The following CCDC47 variants were observed in gnomAD, a reference collection of about 807,000 sequenced individuals.
The protein encoded by CCDC47 is coiled-coil domain containing 47.
In CCDC47, 41 loss-of-function variants were observed where a neutral mutation model predicts 60.5. The ratio of observed to expected loss-of-function variants is 0.68; its 90% CI spans 0.53 to 0.88. The LOEUF (loss-of-function observed/expected upper bound fraction) is 0.88, where lower values mean the gene tolerates loss of function less well. Ranked by LOEUF, CCDC47 falls within the 40% of genes least tolerant of loss-of-function variation. The pLI is 0.00. For synonymous variants in CCDC47, 195 were observed against 190.7 expected (o/e 1.02, Z -0.18); for missense variants, 513 against 580.9 (o/e 0.88, Z 1.20).
At chr17:63,761,668 GC>G (rs2039262487) in intron 4 of CCDC47, 1 of 248,964 alleles carries the variant, frequency 4.0e-6, no homozygotes, top group Non-Finnish European at 6.6e-6. Flanking sequence ...TTGTACTCCA[GC>G]CTGGATGACA....
chr17:63,752,077 G>A lies in CCDC47; in HGVS notation c.1234C>T (p.Arg412Ter), dbSNP rs183132127. ...GKQKADKNRARVEENFLKLTH... is the reference protein window; with the variant it reads ...GKQKADKNRA ...AGTTTCAAGAAGTTCTCTTCTACTC[G>A]GGCACGGTTCTTATCTGCTTTTTGT... Residue 412 changes from arginine to a stop codon, truncating the protein, a stop_gained, in exon 12 of 13, where the codon CGA (arginine) becomes TGA (stop). Transcript: ENST00000225726. LOFTEE classifies it high-confidence loss of function. The A allele has an allele frequency of 2.5e-6, 4 of 1,613,076 alleles. No homozygotes were observed. The highest frequency in any genetic ancestry group is 1.1e-5 in the South Asian group (1 of 91,066).
In CCDC47 at chr17:63,750,950, C is replaced by A. The variant is rs138146165; in HGVS notation, c.1371+990G>T. ...AGTGCAGTGGTGTGATCATAGCTCA[C>A]TGCAGCCTCAATCTCCCAGGTTCAA... is the stretch of plus-strand genomic sequence containing the variant. On this transcript the variant is annotated intron_variant, in intron 12 of 12. Transcript: ENST00000225726. 3.7e-3 allele frequency among the ~76,000 whole-genome samples: 560 copies of A among 151,744 alleles called. 7 individuals are homozygous for A. The highest frequency in any genetic ancestry group is 0.013 in the African/African-American group (530 of 41,354).
chr17:63,761,724 A>G (rs1321435014), intron 4 of CCDC47: 3 of 561,824 alleles, frequency 5.3e-6, no homozygotes, highest in South Asian at 1.6e-4. Context: ...ACAAGGCCGA[A>G]TACCTCACGT....
At chr17:63,759,400 A>C (rs1201103464) in intron 6 of CCDC47, among the ~76,000 whole-genome samples, 1 of 146,454 alleles carries the variant, frequency 6.8e-6, no homozygotes, top group Non-Finnish European at 1.5e-5. Flanking sequence ...GAGGCAGGAA[A>C]ATCGCTTGAA....
chr17:63,747,746 A>C (rs2039131361), intron 12 of CCDC47: 1 of 985,172 alleles, frequency 1.0e-6, no homozygotes, highest in African/African-American at 1.7e-5. Flanking sequence ...GAAAATAGGG[A>C]AGAAAAGAAG....
At chr17:63,752,913 T>G in intron 9 of CCDC47, 114 bp from the exon 10 acceptor site, 1 of 1,420,776 alleles carries the variant, frequency 7.0e-7, no homozygotes, top group Non-Finnish European at 9.2e-7. Context: ...AGCACAGTAT[T>G]TGGCTTGGCA....
intron 6 of CCDC47, among the ~76,000 whole-genome samples, chr17:63,759,213 G>GT (rs975891707): frequency 5.3e-5 from 8 of 151,860 alleles, no homozygotes; most frequent in African/African-American, 1.7e-4. Context: ...GTGGGGCTGG[G>GT]TGCAGTGACT....
chr17:63,756,555 T>C lies in CCDC47; in HGVS notation c.751A>G (p.Met251Val), dbSNP rs1410518322. 3.7e-6 allele frequency: 6 copies of C among 1,613,194 alleles called. No individual in the cohort carries two copies. The highest frequency in any genetic ancestry group is 5.1e-6 in the Non-Finnish European group (6 of 1,179,166). The change falls in exon 7 of 13, where the codon ATG (methionine) becomes GTG (valine). Residue 251 changes from methionine (M) to valine (V), a missense_variant. Coordinates refer to ENST00000225726, the MANE Select transcript of CCDC47 (RefSeq NM_020198.3). Reference protein sequence around the residue: ...VSDQVQIKVTMNDEDMDTYVF... With the variant: ...VSDQVQIKVTVNDEDMDTYVF... ...TAGGTATCCATGTCTTCATCATTCA[T>C]GGTTACTTTTATTTGCTTTTAAAAA...
At chr17:63,749,635 G>A (rs2039147441) in intron 12 of CCDC47, among the ~76,000 whole-genome samples, 1 of 151,740 alleles carries the variant, frequency 6.6e-6, no homozygotes, top group South Asian at 2.1e-4. Flanking sequence ...TGTAGTCCCA[G>A]CTACTAGGGA....
intron 6 of CCDC47, among the ~76,000 whole-genome samples, chr17:63,758,902 T>C (rs1053785183): frequency 2.0e-5 from 3 of 151,624 alleles, no homozygotes; most frequent in African/African-American, 7.3e-5. Flanking sequence ...AAGGGGCAAA[T>C]AAAATATAAA....
chr17:63,759,553 A>ATATT lies in CCDC47; in HGVS notation c.735+1360_735+1361insAATA, dbSNP rs1414122538. The stretch of plus-strand genomic sequence containing the variant: ...TATATATATATATATATATATATAT[A>ATATT]TATATATATATATATATATATATAA... On this transcript the variant is annotated intron_variant, in intron 6 of 12. Transcript: ENST00000225726. Among the ~76,000 whole-genome samples, 12 of 83,804 alleles carry ATATT rather than the reference A, an allele frequency of 1.4e-4. 1 individual carries two copies. The highest frequency in any genetic ancestry group is 1.1e-4 in the Non-Finnish European group (5 of 44,340). 55.0% of individuals were successfully genotyped at this position (83,804 alleles called of 152,430 possible). A position where few individuals can be genotyped will look rare whatever the true frequency, so the allele number is the denominator to read the frequency against.
chr17:63,746,855 T>G lies in CCDC47; in HGVS notation c.*26A>C. Reference sequence around the variant, plus strand: ...GTGAATTCAGAGCTTACAGGTGGCATCAGAACTCAAATCTCTGGGATGGCT... The same window carrying G: ...GTGAATTCAGAGCTTACAGGTGGCAGCAGAACTCAAATCTCTGGGATGGCT... On this transcript the variant is annotated 3_prime_UTR_variant, in exon 13 of 13. Transcript: ENST00000225726. 1 of 1,544,020 alleles carries G rather than the reference T, an allele frequency of 6.5e-7. No homozygotes were observed. The highest frequency in any genetic ancestry group is 9.0e-7 in the Non-Finnish European group (1 of 1,116,480).
intron 12 of CCDC47, chr17:63,747,196 C>A: frequency 3.0e-6 from 3 of 984,172 alleles, no homozygotes; most frequent in Non-Finnish European, 3.6e-6. Context: ...AAACTAAAAT[C>A]TCAGTTTTGA....
intron 1 of CCDC47, 59 bp from the exon 2 acceptor site, chr17:63,766,253 T>C (rs938121930): frequency 4.1e-5 from 60 of 1,460,084 alleles, no homozygotes; most frequent in Non-Finnish European, 5.3e-5. Context: ...GATCAGATTT[T>C]ATAAACAGTA....
chr17:63,749,953 T>C (rs1331101944), intron 12 of CCDC47, among the ~76,000 whole-genome samples: 1 of 151,764 alleles, frequency 6.6e-6, no homozygotes, highest in African/African-American at 2.4e-5. Flanking sequence ...AGACCCTGTC[T>C]CAAAAATAAA....
rs2039259852 is a variant in CCDC47 at position 63,761,449 on chromosome 17, A to AGGTG, written c.548-102_548-99dup. 4.1e-6 allele frequency: 5 copies of AGGTG among 1,221,758 alleles called. No individual in the cohort carries two copies. The South Asian group carries it at 6.3e-5, about 15-fold the overall frequency. 75.7% of individuals were successfully genotyped at this position (1,221,758 alleles called of 1,614,324 possible). Reference sequence around the variant, plus strand: ...ATAATCCCAGCACTTTGGGAGGCTGAGGTGGGTGGATCACGAGGTCAGGAG... The same window carrying AGGTG: ...ATAATCCCAGCACTTTGGGAGGCTGAGGTGGGTGGGTGGATCACGAGGTCAGGAG... On this transcript the variant is annotated intron_variant, in intron 4 of 12. Transcript: ENST00000225726.
intron 9 of CCDC47, 111 bp from the exon 10 acceptor site, chr17:63,752,910 T>A (rs1208967465): frequency 2.1e-6 from 3 of 1,430,736 alleles, no homozygotes; most frequent in East Asian, 2.7e-5. Flanking sequence ...ATCAGCACAG[T>A]ATTTGGCTTG....
At chr17:63,769,612 T>TCAA (rs1555717174) in intron 1 of CCDC47, among the ~76,000 whole-genome samples, 10 of 47,944 alleles carry the variant, frequency 2.1e-4, no homozygotes, top group Non-Finnish European at 3.0e-4. Context: ...AAACTCCATC[T>TCAA]CAAAAAAAAA....
At chr17:63,752,276 C>CA (rs764737173) in intron 11 of CCDC47, 44 bp downstream of exon 11, 3 of 1,496,740 alleles carry the variant, frequency 2.0e-6, no homozygotes, top group Admixed American at 3.6e-5. Context: ...TGAGAAGAAA[C>CA]AAAAAAAGGT....
Sources: allele counts gnomAD v4.1 joint callset (sites outside exome capture counted in the v4.1 genomes callset), GRCh38; gene constraint gnomAD v4.1.1; transcripts MANE v1.5; gene names NCBI Gene and HGNC (gene_info 2026-07-23, HGNC 2026-07-21).